The following GPC6 variants were observed in gnomAD, a reference collection of about 807,000 sequenced individuals.
The protein encoded by GPC6 is glypican 6.
GPC6 carries 14 observed loss-of-function variants against 55.2 expected under a neutral mutation model. The ratio of observed to expected loss-of-function variants is 0.25; its 90% CI spans 0.17 to 0.40. The LOEUF (loss-of-function observed/expected upper bound fraction) is 0.40. GPC6 is among the 10% of genes least tolerant of loss of function. The probability of loss-of-function intolerance (pLI) is 1.00; values close to 1 mark genes in which losing one functional copy is unlikely to be tolerated. For missense variants in GPC6, 641 were observed against 708.5 expected (o/e 0.90, Z 1.08); for synonymous variants, 278 against 259.6 (o/e 1.07, Z -0.68).
intron 5 of GPC6, among the ~76,000 whole-genome samples, chr13:94,292,961 C>A (rs1317620643): frequency 6.6e-6 from 1 of 152,154 alleles, no homozygotes; most frequent in East Asian, 1.9e-4. Flanking sequence ...AGTTGTATAA[C>A]CAAGTTAGAA....
rs115631441 is a variant in GPC6 at position 94,057,844 on chromosome 13, A to G, written c.877+29950A>G. The stretch of plus-strand genomic sequence containing the variant: ...AGAAATTAAACAGGACAGCTGATAA[A>G]AGACAGATCATTTAGATGTATAGAT... On this transcript the variant is annotated intron_variant, in intron 4 of 8. Transcript: ENST00000377047. Among the ~76,000 whole-genome samples, 1,349 of 152,306 alleles carry G rather than the reference A, an allele frequency of 8.9e-3. 26 individuals carry two copies. The South Asian group carries it at 0.089, about 10-fold the overall frequency.
rs115490094 is a variant in GPC6, at chr13:93,580,836, T to A, written c.319+35415T>A. Among the ~76,000 whole-genome samples the A allele has an allele frequency of 5.7e-3, 864 of 152,342 alleles. 16 individuals are homozygous for A. Among genetic ancestry groups the A allele is most frequent in the African/African-American group, 0.019 (792 of 41,594 alleles). On this transcript the variant is annotated intron_variant, in intron 2 of 8. Transcript: ENST00000377047. The stretch of plus-strand genomic sequence containing the variant: ...TTCTAAGTTACAACAATAATCTGCA[T>A]TTTAATAAATATCATTCCAGCCAGC...
chr13:93,789,497 CTCTCTCTCTCTCTATA>C (rs1236510568), intron 2 of GPC6, among the ~76,000 whole-genome samples: 1 of 77,016 alleles, frequency 1.3e-5, no homozygotes, highest in African/African-American at 4.8e-5. Context: ...CTCTCTCTCT[CTCTCTCTCTCTCTATA>C]TATATATATA....
At chr13:93,602,548 T>G (rs535759928) in intron 2 of GPC6, among the ~76,000 whole-genome samples, 8 of 152,240 alleles carry the variant, frequency 5.3e-5, no homozygotes, top group African/African-American at 1.7e-4. Context: ...TAAGGGAAAC[T>G]GAAAATCTTA....
intron 1 of GPC6, among the ~76,000 whole-genome samples, chr13:93,301,303 C>G (rs1407840674): frequency 6.6e-6 from 1 of 152,112 alleles, no homozygotes; most frequent in Non-Finnish European, 1.5e-5. Flanking sequence ...AATGGTGATG[C>G]TTGGATATGT....
At chr13:93,676,170 CAT>C (rs141043881) in intron 2 of GPC6, among the ~76,000 whole-genome samples, 50,386 of 95,210 alleles carry the variant, frequency 0.53, 12,620 homozygotes, top group Admixed American at 0.6. Flanking sequence ...TATATATATA[CAT>C]ACACACACAC....
chr13:93,828,424 G>GA (rs987162519), intron 2 of GPC6, among the ~76,000 whole-genome samples: 1 of 151,386 alleles, frequency 6.6e-6, no homozygotes, highest in Non-Finnish European at 1.5e-5. Context: ...TAGCATTTTT[G>GA]AAAAAAGTAT....
At position 94,378,909 on chromosome 13, in the gene GPC6, G is replaced by A. The variant is rs185022655; in HGVS notation, c.1153-3505G>A. Reference sequence around the variant, plus strand: ...GAGAAAGGAAATTGTTCTAAATTTTGTATTTTATCCCAAGTCCTTGTTCCC... The same window carrying A: ...GAGAAAGGAAATTGTTCTAAATTTTATATTTTATCCCAAGTCCTTGTTCCC... On this transcript the variant is annotated intron_variant, in intron 6 of 8. Coordinates refer to ENST00000377047, the MANE Select transcript of GPC6 (RefSeq NM_005708.5). Among the ~76,000 whole-genome samples the A allele has an allele frequency of 2.9e-3, 442 of 152,166 alleles. 2 individuals are homozygous for A. The highest frequency in any genetic ancestry group is 4.3e-3 in the Non-Finnish European group (295 of 67,980).
chr13:93,668,002 G>T (rs1364493287), intron 2 of GPC6, among the ~76,000 whole-genome samples: 5 of 152,090 alleles, frequency 3.3e-5, no homozygotes, highest in Non-Finnish European at 5.9e-5. Flanking sequence ...TTTGAGTTTA[G>T]ATTTGAAATG....
At chr13:94,277,121 T>C (rs1421348044) in intron 4 of GPC6, among the ~76,000 whole-genome samples, 4 of 152,228 alleles carry the variant, frequency 2.6e-5, no homozygotes, top group Non-Finnish European at 5.9e-5. Context: ...TTTTTAGCAA[T>C]TGTCATTCTG....
At chr13:93,416,430 A>G (rs1440165679) in intron 1 of GPC6, among the ~76,000 whole-genome samples, 1 of 152,082 alleles carries the variant, frequency 6.6e-6, no homozygotes, top group Non-Finnish European at 1.5e-5. Context: ...CACAGTAGGT[A>G]TATATATTTA....
chr13:93,417,808 A>T (rs1209073629), intron 1 of GPC6, among the ~76,000 whole-genome samples: 1 of 152,074 alleles, frequency 6.6e-6, no homozygotes, highest in Non-Finnish European at 1.5e-5. Context: ...ATGGATAAAA[A>T]TCTTCTATAT....
chr13:93,656,234 C>T (rs149396660), intron 2 of GPC6, among the ~76,000 whole-genome samples: 13 of 152,084 alleles, frequency 8.5e-5, no homozygotes, highest in Admixed American at 2.6e-4. Flanking sequence ...ATAATGTAAA[C>T]GGTGTCAGCA....
intron 2 of GPC6, among the ~76,000 whole-genome samples, chr13:93,664,816 T>G (rs945534776): frequency 6.6e-6 from 1 of 152,192 alleles, no homozygotes; most frequent in African/African-American, 2.4e-5. Flanking sequence ...TTCTTTTTAC[T>G]TGGATTAGAG....
chr13:94,372,042 CCTTT>C (rs1342874915), intron 6 of GPC6, among the ~76,000 whole-genome samples: 6 of 152,244 alleles, frequency 3.9e-5, no homozygotes, highest in African/African-American at 1.2e-4. Flanking sequence ...TTCCTTCCTT[CCTTT>C]CTCTTCCTTC....
chr13:93,427,120 T>G (rs1877161388), intron 1 of GPC6, among the ~76,000 whole-genome samples: 1 of 151,224 alleles, frequency 6.6e-6, no homozygotes, highest in East Asian at 1.9e-4. Flanking sequence ...TTGAGTTCAT[T>G]GTAGATTCTG....
At chr13:93,567,535 G>A (rs1237136647) in intron 2 of GPC6, among the ~76,000 whole-genome samples, 1 of 151,780 alleles carries the variant, frequency 6.6e-6, no homozygotes, top group Non-Finnish European at 1.5e-5. Context: ...ATCTTAGCCA[G>A]GATGGTCTCG....
chr13:94,289,105 T>C (rs188134137), intron 5 of GPC6, among the ~76,000 whole-genome samples: 3 of 150,774 alleles, frequency 2.0e-5, no homozygotes, highest in African/African-American at 7.3e-5. Context: ...ACATAGAAAT[T>C]GTAGGCAGAT....
chr13:94,344,061 C>T lies in GPC6; in HGVS notation c.1152+37938C>T, dbSNP rs573903526. ...TTATTATTTTAACTAAAAACTTTTC[C>T]TCCTCAGAAAAGAATTAAGGATGTT... is the stretch of plus-strand genomic sequence containing the variant. On this transcript the variant is annotated intron_variant, in intron 6 of 8. Transcript: ENST00000377047. Among the ~76,000 whole-genome samples, 4 of 152,220 alleles carry T rather than the reference C, an allele frequency of 2.6e-5. No individual in the cohort carries two copies. In the South Asian group the frequency reaches 8.3e-4, roughly 32 times the overall value.
Sources: allele counts gnomAD v4.1 joint callset (sites outside exome capture counted in the v4.1 genomes callset), GRCh38; gene constraint gnomAD v4.1.1; transcripts MANE v1.5; gene names NCBI Gene and HGNC (gene_info 2026-07-23, HGNC 2026-07-21).